The following DDX50 variants were observed in gnomAD, a reference collection of about 807,000 sequenced individuals.
DDX50 encodes the protein DExD-box helicase 50.
Under a neutral mutation model 94.8 loss-of-function variants are expected in DDX50, and 56 were observed. The observed-to-expected ratio is 0.59, with a 90% CI of 0.48 to 0.74. The LOEUF is 0.74. Ranked by LOEUF, DDX50 falls within the 30% of genes least tolerant of loss-of-function variation. The pLI is 0.00. For synonymous variants in DDX50, 264 were observed against 295.4 expected (o/e 0.89, Z 1.09); for missense variants, 713 against 881.2 (o/e 0.81, Z 2.42).
At chr10:68,904,144 CAAA>C (rs34351981) in intron 1 of DDX50, among the ~76,000 whole-genome samples, 3 of 108,396 alleles carry the variant, frequency 2.8e-5, no homozygotes, top group African/African-American at 3.3e-5. Context: ...AACTCCGTCT[CAAA>C]AAAAAAAAAA....
rs1440828678 is a variant in DDX50 at position 68,936,902 on chromosome 10, T to C, written c.1596-34T>C. ...CTTCTTATCTTTTATTTTTTCCCTA[T>C]GTCTTGACCAAGAATACTATTTTTA... On this transcript the variant is annotated intron_variant, in intron 11 of 14. Coordinates refer to ENST00000373585, the MANE Select transcript of DDX50 (RefSeq NM_024045.2). 8 of 1,531,206 alleles carry C rather than the reference T, an allele frequency of 5.2e-6. No individual in the cohort carries two copies. In the South Asian group the frequency reaches 6.2e-5, roughly 12 times the overall value. 94.9% of individuals were successfully genotyped at this position (1,531,206 alleles called of 1,614,324 possible). A position where few individuals can be genotyped will look rare whatever the true frequency, so the allele number is the denominator to read the frequency against.
chr10:68,924,561 G>T (rs1735389600), intron 8 of DDX50, among the ~76,000 whole-genome samples: 1 of 152,002 alleles, frequency 6.6e-6, no homozygotes, highest in Admixed American at 6.6e-5. Flanking sequence ...AGATGGGAAG[G>T]CATTGGTGAG....
intron 8 of DDX50, among the ~76,000 whole-genome samples, chr10:68,931,411 GTA>G (rs71031810): frequency 4.3e-5 from 3 of 69,220 alleles, no homozygotes; most frequent in African/African-American, 1.9e-4. Context: ...ATATATATAT[GTA>G]TATATATATA....
chr10:68,917,265 G>T (rs763587036), intron 7 of DDX50, among the ~76,000 whole-genome samples: 1 of 151,972 alleles, frequency 6.6e-6, no homozygotes, highest in Non-Finnish European at 1.5e-5. Context: ...TTCGAGACCA[G>T]CCTGACCAAC....
intron 12 of DDX50, among the ~76,000 whole-genome samples, chr10:68,940,605 T>C (rs1330300099): frequency 6.6e-6 from 1 of 151,686 alleles, no homozygotes; most frequent in Non-Finnish European, 1.5e-5. Context: ...TTTGTAGCAA[T>C]GGTTATTTCA....
At chr10:68,922,745 A>T (rs1439553690) in intron 8 of DDX50, among the ~76,000 whole-genome samples, 1 of 150,822 alleles carries the variant, frequency 6.6e-6, no homozygotes, top group South Asian at 2.1e-4. Flanking sequence ...ATGAGCTGTG[A>T]TCGTGATGCT....
intron 8 of DDX50, among the ~76,000 whole-genome samples, chr10:68,924,141 T>G (rs1842015259): frequency 6.6e-6 from 1 of 151,338 alleles, no homozygotes; most frequent in African/African-American, 2.4e-5. Context: ...CCAGCTAATT[T>G]TTGTATTTTT....
intron 4 of DDX50, among the ~76,000 whole-genome samples, chr10:68,912,001 C>T (rs1396361551): frequency 1.3e-5 from 2 of 152,128 alleles, no homozygotes; most frequent in African/African-American, 4.8e-5. Context: ...CTTTGTAAGA[C>T]TCCTGAGTGG....
chr10:68,940,955 G>A, intron 12 of DDX50, 105 bp from the exon 13 acceptor site: 2 of 1,426,864 alleles, frequency 1.4e-6, no homozygotes, highest in Non-Finnish European at 1.9e-6. Flanking sequence ...TATACTTTTG[G>A]CTCATAAGAA....
At chr10:68,920,030 C>T in intron 8 of DDX50, 49 bp downstream of exon 8, 1 of 1,604,406 alleles carries the variant, frequency 6.2e-7, no homozygotes, top group East Asian at 2.2e-5. Context: ...GGGGATGAAT[C>T]ACTGAACGAA....
At chr10:68,945,512 G>A (rs1842651586) in intron 14 of DDX50, among the ~76,000 whole-genome samples, 1 of 152,016 alleles carries the variant, frequency 6.6e-6, no homozygotes. Context: ...TTACCACGTT[G>A]GCCAGGCTGG....
chr10:68,923,070 G>C (rs1465033813), intron 8 of DDX50, among the ~76,000 whole-genome samples: 1 of 140,198 alleles, frequency 7.1e-6, no homozygotes, highest in Non-Finnish European at 1.5e-5. Flanking sequence ...ATTAATTACA[G>C]GTGTGAGCCA....
rs767510758 is a variant in DDX50, at chr10:68,937,072, C to T, written c.1732C>T (p.Arg578Ter). 5.0e-6 allele frequency: 8 copies of T among 1,612,632 alleles called. No individual in the cohort carries two copies. The highest frequency in any genetic ancestry group is 3.3e-5 in the Admixed American group (2 of 59,924). ...TTCTGGTGCATCAAGCTTTGAACCA[C>T]GATCTTTGATCACCTCTGATAAGGT... ...HISGASSFEPRSLITSDKGFV... is the reference protein window; with the variant it reads ...HISGASSFEP Residue 578 changes from arginine to a stop codon, truncating the protein, a stop_gained, in exon 12 of 15, where the codon CGA becomes TGA. Coordinates refer to ENST00000373585, the MANE Select transcript of DDX50 (RefSeq NM_024045.2). LOFTEE classifies it high-confidence loss of function.
chr10:68,932,759 AAAC>A (rs1473974505), intron 8 of DDX50, among the ~76,000 whole-genome samples: 1 of 152,230 alleles, frequency 6.6e-6, no homozygotes, highest in Non-Finnish European at 1.5e-5. Context: ...ATGTAAATTA[AAAC>A]AACATTGGGA....
At chr10:68,924,811 C>G (rs533216951) in intron 8 of DDX50, among the ~76,000 whole-genome samples, 1 of 151,898 alleles carries the variant, frequency 6.6e-6, no homozygotes, top group Non-Finnish European at 1.5e-5. Context: ...GGGGCTTTGT[C>G]CTGGAAAGTG....
intron 2 of DDX50, among the ~76,000 whole-genome samples, chr10:68,907,299 G>A (rs1311303865): frequency 1.4e-5 from 2 of 145,900 alleles, no homozygotes; most frequent in Admixed American, 1.4e-4. Flanking sequence ...TTATCTACTT[G>A]AATTTCTTTT....
In DDX50 at chr10:68,937,197, G is replaced by A. The variant is rs188827937; in HGVS notation, c.1755+102G>A. 1,528 of 1,277,280 alleles carry A rather than the reference G, an allele frequency of 1.2e-3. 2 individuals are homozygous for A. The highest frequency in any genetic ancestry group is 2.3e-3 in the South Asian group (113 of 49,118). 79.1% of individuals were successfully genotyped at this position (1,277,280 alleles called of 1,614,324 possible). A position where few individuals can be genotyped will look rare whatever the true frequency, so the allele number is the denominator to read the frequency against. On this transcript the variant is annotated intron_variant, in intron 12 of 14. Transcript: ENST00000373585. ...TGTGCTTTTTGTGCAGAAAAAAACTGTTTTGCTCTATGAGAAACTGGTCTC... is the reference window on the plus strand; with the variant it reads ...TGTGCTTTTTGTGCAGAAAAAAACTATTTTGCTCTATGAGAAACTGGTCTC...
intron 1 of DDX50, among the ~76,000 whole-genome samples, chr10:68,902,203 AAAAAAAAAGGAAAAGAAAAAACATCCTG>A (rs1841310515): frequency 6.6e-6 from 1 of 151,496 alleles, no homozygotes; most frequent in African/African-American, 2.4e-5. Context: ...AAAAAAAAAA[AAAAAAAAAGGAAAAGAAAAAACATCCTG>A]AAACACTCAG....
At chr10:68,931,266 T>C (rs2132050845) in intron 8 of DDX50, among the ~76,000 whole-genome samples, 1 of 151,588 alleles carries the variant, frequency 6.6e-6, no homozygotes, top group East Asian at 1.9e-4. Context: ...ATTATATTTG[T>C]GGAGTAAATA....
Sources: allele counts gnomAD v4.1 joint callset (sites outside exome capture counted in the v4.1 genomes callset), GRCh38; gene constraint gnomAD v4.1.1; transcripts MANE v1.5; gene names NCBI Gene and HGNC (gene_info 2026-07-23, HGNC 2026-07-21).